The following TMEM132B variants were observed in gnomAD, a reference collection of about 807,000 sequenced individuals.
TMEM132B encodes transmembrane protein 132B.
In TMEM132B, 18 loss-of-function variants were observed where a neutral mutation model predicts 90.8. The observed-to-expected ratio is 0.20, with a 90% CI of 0.14 to 0.29. The LOEUF is 0.29. TMEM132B is among the 10% of genes least tolerant of loss of function. TMEM132B has a pLI of 1.00. For synonymous variants in TMEM132B, 504 were observed against 523.3 expected, an observed-to-expected ratio of 0.96 and a Z score of 0.50; for missense variants, 1,096 against 1,326.8, an observed-to-expected ratio of 0.83 and a Z score of 2.70.
chr12:125,329,196 G>C (rs903792374), intron 1 of TMEM132B, among the ~76,000 whole-genome samples: 4 of 152,218 alleles, frequency 2.6e-5, no homozygotes, highest in African/African-American at 4.8e-5. Context: ...TGGCAAGAAT[G>C]CATGTCCATA....
At chr12:125,306,703 T>G (rs1013570870) in intron 1 of TMEM132B, among the ~76,000 whole-genome samples, 6 of 152,232 alleles carry the variant, frequency 3.9e-5, no homozygotes, top group African/African-American at 1.2e-4. Flanking sequence ...TGCAGTGGCC[T>G]CCTCCTTTGT....
At chr12:125,541,290 G>A (rs941879066) in intron 4 of TMEM132B, among the ~76,000 whole-genome samples, 1 of 152,202 alleles carries the variant, frequency 6.6e-6, no homozygotes, top group Admixed American at 6.5e-5. Flanking sequence ...CAGGAAACTT[G>A]AGTTTCAGAA....
chr12:125,303,303 C>A (rs1013851101), intron 1 of TMEM132B, among the ~76,000 whole-genome samples: 2 of 152,132 alleles, frequency 1.3e-5, no homozygotes, highest in Non-Finnish European at 2.9e-5. Context: ...CAGGCTCATG[C>A]GTGTTACAGC....
chr12:125,300,016 T>C (rs1292305860), intron 1 of TMEM132B, among the ~76,000 whole-genome samples: 5 of 152,218 alleles, frequency 3.3e-5, no homozygotes, highest in Non-Finnish European at 7.3e-5. Flanking sequence ...CTCCCAGCTG[T>C]TCCTCCCATG....
intron 4 of TMEM132B, among the ~76,000 whole-genome samples, chr12:125,535,898 A>G (rs1451992620): frequency 6.6e-6 from 1 of 152,186 alleles, no homozygotes; most frequent in East Asian, 1.9e-4. Context: ...GCGGCTGAAC[A>G]CAGTCTACTT....
chr12:125,650,771 C>A lies in TMEM132B; in HGVS notation c.1732C>A (p.Leu578Ile), dbSNP rs773093916. The A allele has an allele frequency of 6.2e-7, 1 of 1,614,224 alleles. No individual in the cohort carries two copies. The highest frequency in any genetic ancestry group is 1.1e-5 in the South Asian group (1 of 91,084). Residue 578 changes from leucine to isoleucine, a missense_variant, in exon 7 of 9, where the codon CTC becomes ATC. Leu to Ile is a conservative substitution (Grantham distance 5, BLOSUM62 2). Transcript: ENST00000682704. ...GTACCAGCACGCCACAGTGCGTGTC[C>A]TCACCCAGTTTGTGGCCGAGTCACC... ...LQYQHATVRV[L>I]TQFVAESPDL...
intron 3 of TMEM132B, among the ~76,000 whole-genome samples, chr12:125,471,822 C>T (rs1485678271): frequency 6.6e-6 from 1 of 152,176 alleles, no homozygotes; most frequent in Non-Finnish European, 1.5e-5. Context: ...ATTATGATCC[C>T]CTTGTCACTG....
chr12:125,508,126 G>T (rs1470042977), intron 3 of TMEM132B, among the ~76,000 whole-genome samples: 1 of 152,218 alleles, frequency 6.6e-6, no homozygotes, highest in African/African-American at 2.4e-5. Flanking sequence ...GGTTGGAGTT[G>T]CCTTTAATGG....
At chr12:125,385,543 A>C (rs1434419175) in intron 2 of TMEM132B, among the ~76,000 whole-genome samples, 4 of 152,240 alleles carry the variant, frequency 2.6e-5, no homozygotes, top group African/African-American at 9.6e-5. Flanking sequence ...AAAATGTCCT[A>C]GGTCACATGA....
chr12:125,433,507 CTT>C lies in TMEM132B; in HGVS notation c.1106+17842_1106+17843del, dbSNP rs540659092. The stretch of plus-strand genomic sequence containing the variant: ...TCTAGACAATGATATTTTGTATTTT[CTT>C]TTTTTTTTTTTGTCTTTTTTTTTAT... On this transcript the variant is annotated intron_variant, in intron 3 of 8. Coordinates refer to ENST00000682704, the MANE Select transcript of TMEM132B (RefSeq NM_001366854.1). 7.3e-3 allele frequency among the ~76,000 whole-genome samples: 1,022 copies of C among 140,128 alleles called. 8 individuals carry two copies. Among genetic ancestry groups the C allele is most frequent in the African/African-American group, 0.018 (692 of 37,806 alleles). 91.9% of individuals were successfully genotyped at this position (140,128 alleles called of 152,430 possible). A position where few individuals can be genotyped will look rare whatever the true frequency, so the allele number is the denominator to read the frequency against.
intron 1 of TMEM132B, among the ~76,000 whole-genome samples, chr12:125,264,398 T>G (rs991652039): frequency 1.3e-5 from 2 of 152,198 alleles, no homozygotes. Flanking sequence ...TTGGAGGCAA[T>G]CACTCTACTA....
At chr12:125,549,937 A>G (rs1272958647) in intron 4 of TMEM132B, among the ~76,000 whole-genome samples, 2 of 152,150 alleles carry the variant, frequency 1.3e-5, no homozygotes, top group African/African-American at 2.4e-5. Flanking sequence ...GTCATCTCCT[A>G]CACCATCCTT....
intron 1 of TMEM132B, among the ~76,000 whole-genome samples, chr12:125,292,310 G>T (rs1401699611): frequency 6.6e-6 from 1 of 152,192 alleles, no homozygotes; most frequent in Admixed American, 6.5e-5. Flanking sequence ...ATGGAAGGGA[G>T]GTGTTAGCTT....
intron 5 of TMEM132B, among the ~76,000 whole-genome samples, chr12:125,603,586 C>T (rs1206997716): frequency 2.0e-5 from 3 of 152,092 alleles, no homozygotes; most frequent in Non-Finnish European, 2.9e-5. Flanking sequence ...GCAACAAAAA[C>T]AAAAATTGAC....
intron 5 of TMEM132B, among the ~76,000 whole-genome samples, chr12:125,640,281 G>A (rs1191440706): frequency 6.6e-6 from 1 of 152,234 alleles, no homozygotes; most frequent in Non-Finnish European, 1.5e-5. Context: ...GGTGAATGGA[G>A]GGCAGTGGAT....
intron 1 of TMEM132B, among the ~76,000 whole-genome samples, chr12:125,312,168 A>G (rs1373475849): frequency 6.6e-6 from 1 of 152,012 alleles, no homozygotes; most frequent in Non-Finnish European, 1.5e-5. Flanking sequence ...AGCCCGATAG[A>G]CTCTCCATAT....
At position 125,394,710 on chromosome 12, in the gene TMEM132B, A is replaced by G. The variant is rs190704745; in HGVS notation, c.960-20821A>G. Among the ~76,000 whole-genome samples, 14 of 152,336 alleles carry G rather than the reference A, an allele frequency of 9.2e-5. No individual in the cohort carries two copies. In the East Asian group the frequency reaches 2.7e-3, roughly 29 times the overall value. Reference sequence around the variant, plus strand: ...TTTGGCTATGAATCTGGGACTTGGAAGAAAGTTCTGTGCTGTAAAAATAAG... The same window carrying G: ...TTTGGCTATGAATCTGGGACTTGGAGGAAAGTTCTGTGCTGTAAAAATAAG... On this transcript the variant is annotated intron_variant, in intron 2 of 8. Transcript: ENST00000682704.
At chr12:125,231,931 T>G (rs1243077826) in intron 1 of TMEM132B, among the ~76,000 whole-genome samples, 1 of 151,604 alleles carries the variant, frequency 6.6e-6, no homozygotes, top group Non-Finnish European at 1.5e-5. Context: ...ATACCACCTC[T>G]CCATAATTCT....
intron 1 of TMEM132B, among the ~76,000 whole-genome samples, chr12:125,348,938 G>T (rs552597817): frequency 6.6e-6 from 1 of 152,208 alleles, no homozygotes; most frequent in African/African-American, 2.4e-5. Flanking sequence ...TAGGAAAGCT[G>T]AGCGGTAGCT....
Sources: gnomAD v4.1 joint callset for allele counts (sites outside exome capture counted in the v4.1 genomes callset) on GRCh38, gnomAD v4.1.1 for gene constraint, MANE v1.5 for transcripts, NCBI Gene and HGNC (gene_info 2026-07-23, HGNC 2026-07-21) for gene names.